Variants in ANKH observed in about 807,000 individuals in gnomAD.
ANKH encodes the protein mineralization regulator ANKH.
ANKH carries 15 observed loss-of-function variants against 49.0 expected under a neutral mutation model. The ratio of observed to expected loss-of-function variants is 0.31; its 90% CI spans 0.20 to 0.47. The LOEUF (loss-of-function observed/expected upper bound fraction) is 0.47, where lower values mean the gene tolerates loss of function less well. Ranked by LOEUF, ANKH falls within the 20% of genes least tolerant of loss-of-function variation. The pLI is 1.00. For synonymous variants in ANKH, 273 were observed against 260.0 expected (o/e 1.05, Z -0.48); for missense variants, 429 against 652.0 (o/e 0.66, Z 3.72).
chr5:14,713,594 C>G lies in ANKH; in HGVS notation c.1215G>C (p.Val405=). ...KKTFVLAPSS[V]LRIIVLIASL... is the part of the protein sequence containing the mutation. ...TGGCGATGAGGACGATGATCCGCAG[C>G]ACAGAGCTGGGGGCAAGGACGAAGG... is the stretch of plus-strand genomic sequence containing the variant. The change falls in exon 10 of 12, where the codon GTG becomes GTC. Residue 405 remains valine (V), a synonymous_variant. Coordinates refer to ENST00000284268, the MANE Select transcript of ANKH (RefSeq NM_054027.6). This position sits in a 1 kb window ranked among gnomAD's most constrained non-coding sequence, Gnocchi z 4.4. 1 of 1,614,214 alleles carries G rather than the reference C, an allele frequency of 6.2e-7. No individual in the cohort carries two copies. Among genetic ancestry groups the G allele is most frequent in the South Asian group, 1.1e-5 (1 of 91,084 alleles).
chr5:14,802,658 C>T (rs28504517), intron 1 of ANKH, among the ~76,000 whole-genome samples: 106 of 152,138 alleles, frequency 7.0e-4, no homozygotes, highest in African/African-American at 2.5e-3. Flanking sequence ...AGACACAAGG[C>T]GTCTCCTTGA....
intron 1 of ANKH, among the ~76,000 whole-genome samples, chr5:14,840,917 C>CA (rs899793170): frequency 1.3e-5 from 2 of 152,104 alleles, no homozygotes; most frequent in Non-Finnish European, 2.9e-5. Flanking sequence ...GCGCCTCAGA[C>CA]AAAAAAATCA....
intron 1 of ANKH, among the ~76,000 whole-genome samples, chr5:14,863,655 A>G (rs968405281): frequency 6.6e-6 from 1 of 152,034 alleles, no homozygotes; most frequent in African/African-American, 2.4e-5. Flanking sequence ...GTGTTCAAAA[A>G]ATACCTGATT....
Position 14,792,991 on chromosome 5 carries a change from A to AAT in ANKH, c.97-23802_97-23801dup, listed in dbSNP as rs1258411807. On this transcript the variant is annotated intron_variant, in intron 1 of 11. Coordinates refer to ENST00000284268, the MANE Select transcript of ANKH (RefSeq NM_054027.6). The stretch of plus-strand genomic sequence containing the variant: ...AAACTCCATCATATATATATATAAA[A>AAT]ATATATATATATATAAATATATATA... 5.0e-4 allele frequency among the ~76,000 whole-genome samples: 43 copies of AAT among 85,458 alleles called. 1 individual carries two copies. The highest frequency in any genetic ancestry group is 7.2e-4 in the Non-Finnish European group (32 of 44,156). The allele number at this position is 85,458 out of a possible 152,430, so 56.1% of individuals were successfully genotyped here.
chr5:14,849,632 A>C (rs1180347092), intron 1 of ANKH, among the ~76,000 whole-genome samples: 3 of 152,230 alleles, frequency 2.0e-5, no homozygotes, highest in African/African-American at 7.2e-5. Flanking sequence ...GATGATCAGA[A>C]GTGCAGTCAG....
intron 1 of ANKH, among the ~76,000 whole-genome samples, chr5:14,854,653 C>T (rs150383869): frequency 4.3e-4 from 65 of 152,308 alleles, no homozygotes; most frequent in African/African-American, 1.5e-3. Flanking sequence ...CCACTGCACT[C>T]CAGCCTGAGT....
intron 1 of ANKH, among the ~76,000 whole-genome samples, chr5:14,831,855 A>C (rs1162518031): frequency 6.6e-6 from 1 of 152,230 alleles, no homozygotes. Context: ...TATTTCCCAT[A>C]TATGAATCTT....
intron 1 of ANKH, among the ~76,000 whole-genome samples, chr5:14,774,760 T>C (rs1215720091): frequency 6.6e-6 from 1 of 152,192 alleles, no homozygotes; most frequent in African/African-American, 2.4e-5. Flanking sequence ...TACCTGAATG[T>C]AAGCTCCAGG....
At chr5:14,851,165 A>G (rs1742112160) in intron 1 of ANKH, among the ~76,000 whole-genome samples, 1 of 152,156 alleles carries the variant, frequency 6.6e-6, no homozygotes, top group Non-Finnish European at 1.5e-5. Flanking sequence ...AAAGGGGACA[A>G]GCAGGAGGTT....
At chr5:14,733,359 GT>G (rs1049202275) in intron 8 of ANKH, among the ~76,000 whole-genome samples, 4 of 152,224 alleles carry the variant, frequency 2.6e-5, no homozygotes, top group African/African-American at 9.6e-5. Context: ...TGGGGACACA[GT>G]AGTCAGCCTT....
chr5:14,870,809 G>GA (rs1007611449), intron 1 of ANKH: 9 of 153,582 alleles, frequency 5.9e-5, no homozygotes, highest in Admixed American at 3.9e-4. Flanking sequence ...AAAGGAAAAG[G>GA]AAAAAAAAGA....
intron 8 of ANKH, among the ~76,000 whole-genome samples, chr5:14,721,883 TCA>T (rs1358127221): frequency 4.0e-4 from 49 of 122,732 alleles, no homozygotes; most frequent in East Asian, 3.2e-3. Context: ...TGAGCTGAGA[TCA>T]TGCCACTGCA....
chr5:14,749,238 T>C lies in ANKH; in HGVS notation c.756A>G (p.Arg252=), dbSNP rs756512569. The part of the protein sequence containing the change: ...WPLALILATQ[R]ISRPIVNLFV... ...AGAGGTTGACAATAGGCCGACTGAT[T>C]CTCTGTGTGGCCAGAATTAGAGCCA... The change falls in exon 6 of 12, where the codon AGA becomes AGG. Residue 252 remains arginine, a synonymous_variant. Transcript: ENST00000284268. 4 of 1,614,190 alleles carry C rather than the reference T, an allele frequency of 2.5e-6. No individual in the cohort carries two copies. Among genetic ancestry groups the C allele is most frequent in the Non-Finnish European group, 3.4e-6 (4 of 1,180,012 alleles).
At chr5:14,780,544 A>T (rs1020312336) in intron 1 of ANKH, among the ~76,000 whole-genome samples, 11 of 152,216 alleles carry the variant, frequency 7.2e-5, no homozygotes, top group Non-Finnish European at 1.5e-5. Context: ...CTGTCTCAAA[A>T]AAAACAGAAC....
chr5:14,803,255 AG>A (rs1355959772), intron 1 of ANKH, among the ~76,000 whole-genome samples: 3 of 149,660 alleles, frequency 2.0e-5, no homozygotes, highest in African/African-American at 7.4e-5. Flanking sequence ...AAGGTCTTTT[AG>A]TCTCTATCTC....
At chr5:14,798,511 A>C (rs1231244104) in intron 1 of ANKH, 2 of 837,084 alleles carry the variant, frequency 2.4e-6, no homozygotes, top group Non-Finnish European at 3.6e-6. Context: ...TTAATTAACA[A>C]ATTGAAGGTT....
chr5:14,774,610 A>G (rs1440770124), intron 1 of ANKH, among the ~76,000 whole-genome samples: 4 of 151,972 alleles, frequency 2.6e-5, no homozygotes, highest in Non-Finnish European at 4.4e-5. Flanking sequence ...GCTAATCATT[A>G]AGTTACTATA....
chr5:14,815,558 T>C (rs769657465), intron 1 of ANKH, among the ~76,000 whole-genome samples: 1 of 152,346 alleles, frequency 6.6e-6, no homozygotes, highest in South Asian at 2.1e-4. Context: ...GGGAACCCCA[T>C]GGTTTCTACA....
chr5:14,844,690 T>C (rs1741906638), intron 1 of ANKH, among the ~76,000 whole-genome samples: 1 of 152,226 alleles, frequency 6.6e-6, no homozygotes, highest in Admixed American at 6.5e-5. Flanking sequence ...TCTGTGACTA[T>C]CTGCTCTGCA....
Sources: allele counts gnomAD v4.1 joint callset (sites outside exome capture counted in the v4.1 genomes callset), GRCh38; gene constraint gnomAD v4.1.1; non-coding constraint Gnocchi (gnomAD v3.1); transcripts MANE v1.5; gene names NCBI Gene and HGNC (gene_info 2026-07-23, HGNC 2026-07-21).